LRRC36: variants seen among roughly 807,000 people sequenced by gnomAD.
The protein encoded by LRRC36 is leucine-rich repeat-containing protein 36.
In LRRC36, 62 loss-of-function variants were observed where a neutral mutation model predicts 81.1. That is an observed-to-expected ratio of 0.76 (90% CI 0.62 to 0.94). The LOEUF (loss-of-function observed/expected upper bound fraction) is 0.94, where lower values mean the gene tolerates loss of function less well. LRRC36 is among the 40% of genes least tolerant of loss of function. The pLI, the probability that LRRC36 is intolerant of heterozygous loss-of-function variation, is 0.00. For missense variants in LRRC36, 761 were observed against 881.7 expected, an observed-to-expected ratio of 0.86 and a Z score of 1.73; for synonymous variants, 334 against 348.6, an observed-to-expected ratio of 0.96 and a Z score of 0.47.
At chr16:67,333,487 G>A (rs1224526835) in intron 1 of LRRC36, among the ~76,000 whole-genome samples, 18 of 152,108 alleles carry the variant, frequency 1.2e-4, no homozygotes, top group Admixed American at 1.0e-3. Flanking sequence ...TGTTGTGCAA[G>A]CATCATTGCT....
At chr16:67,370,891 A>G in intron 8 of LRRC36, 53 bp from the exon 9 acceptor site, 1 of 1,482,514 alleles carries the variant, frequency 6.7e-7, no homozygotes, top group South Asian at 1.2e-5. Flanking sequence ...GATAGAAGTG[A>G]GACATGAGGC....
intron 12 of LRRC36, among the ~76,000 whole-genome samples, chr16:67,381,663 G>A (rs1408008822): frequency 6.6e-6 from 1 of 152,050 alleles, no homozygotes; most frequent in Admixed American, 6.5e-5. Context: ...TGCCCAGGCT[G>A]GAGTGCAGTG....
chr16:67,367,606 A>G (rs2039459937), intron 8 of LRRC36, 149 bp downstream of exon 8: 1 of 687,452 alleles, frequency 1.5e-6, no homozygotes, highest in Admixed American at 2.9e-5. Flanking sequence ...GAACCTCGAG[A>G]AATCTGTAGG....
chr16:67,360,209 T>C (rs1431175199), intron 5 of LRRC36, among the ~76,000 whole-genome samples: 1 of 152,144 alleles, frequency 6.6e-6, no homozygotes, highest in Non-Finnish European at 1.5e-5. Flanking sequence ...AATTTAGGTC[T>C]GTACATCAGA....
intron 1 of LRRC36, among the ~76,000 whole-genome samples, chr16:67,339,941 G>A (rs892453601): frequency 1.3e-5 from 2 of 151,898 alleles, no homozygotes; most frequent in African/African-American, 4.8e-5. Context: ...TCAGGAGTTT[G>A]AGACCAGCCT....
At chr16:67,342,985 C>T in intron 2 of LRRC36, among the ~76,000 whole-genome samples, 1 of 152,196 alleles carries the variant, frequency 6.6e-6, no homozygotes, top group East Asian at 1.9e-4. Flanking sequence ...ACTCTAAAAT[C>T]AGCAACTCCA....
At position 67,367,024 on chromosome 16, in the gene LRRC36, A is replaced by C; in HGVS notation, c.762A>C (p.Arg254Ser). Residue 254 changes from arginine to serine, a missense_variant, in exon 8 of 14, where the codon AGA becomes AGC. Transcript: ENST00000329956. ...PSDNHQEDEF[R>S]HYSPRQSTVR... The stretch of plus-strand genomic sequence containing the variant: ...TGCCTTGGTGGTGTTTAGAGTTCAG[A>C]CACTACTCGCCTCGTCAGTCCACAG... 1 of 1,600,168 alleles carries C rather than the reference A, an allele frequency of 6.2e-7. No homozygotes were observed. Among genetic ancestry groups the C allele is most frequent in the South Asian group, 1.1e-5 (1 of 88,750 alleles).
At chr16:67,338,671 T>C (rs752455864) in intron 1 of LRRC36, among the ~76,000 whole-genome samples, 2 of 152,014 alleles carry the variant, frequency 1.3e-5, no homozygotes, top group Non-Finnish European at 2.9e-5. Flanking sequence ...CATTGGTCAT[T>C]TGAAAAATAT....
At chr16:67,332,562 A>T (rs1004549038) in intron 1 of LRRC36, among the ~76,000 whole-genome samples, 3 of 152,212 alleles carry the variant, frequency 2.0e-5, no homozygotes, top group Admixed American at 6.5e-5. Flanking sequence ...TCAAAAAAAA[A>T]TAATAAATAA....
chr16:67,380,386 C>G (rs2040063062), intron 12 of LRRC36, among the ~76,000 whole-genome samples: 1 of 152,118 alleles, frequency 6.6e-6, no homozygotes. Flanking sequence ...TCAAATTTTG[C>G]CATTGTGATA....
intron 11 of LRRC36, 130 bp from the exon 12 acceptor site, chr16:67,378,459 C>T (rs1420223823): frequency 5.8e-6 from 4 of 692,506 alleles, no homozygotes; most frequent in Non-Finnish European, 9.5e-6. Context: ...AGGCTGGTCT[C>T]GAACTCCTGA....
chr16:67,337,833 C>T (rs2037837166), intron 1 of LRRC36, among the ~76,000 whole-genome samples: 2 of 151,980 alleles, frequency 1.3e-5, no homozygotes, highest in South Asian at 4.2e-4. Flanking sequence ...CGTGGTGGTT[C>T]CCAGCACTTT....
At chr16:67,335,502 G>A (rs550137178) in intron 1 of LRRC36, among the ~76,000 whole-genome samples, 3 of 152,236 alleles carry the variant, frequency 2.0e-5, no homozygotes, top group Non-Finnish European at 4.4e-5. Context: ...CAAACAATTT[G>A]TGCAGTTAAT....
chr16:67,382,624 G>A (rs1204069390), intron 13 of LRRC36, among the ~76,000 whole-genome samples: 2 of 152,126 alleles, frequency 1.3e-5, no homozygotes, highest in African/African-American at 4.8e-5. Context: ...CACTTGGCAG[G>A]GAGTGATAAA....
chr16:67,356,609 G>A (rs150684534), intron 5 of LRRC36, among the ~76,000 whole-genome samples: 39 of 152,250 alleles, frequency 2.6e-4, no homozygotes, highest in African/African-American at 9.4e-4. Context: ...ATAGTGTCAC[G>A]TCTTCACATA....
At chr16:67,370,058 C>T (rs1330184276) in intron 8 of LRRC36, among the ~76,000 whole-genome samples, 3 of 151,860 alleles carry the variant, frequency 2.0e-5, no homozygotes, top group Non-Finnish European at 2.9e-5. Context: ...GAAAAGGGAC[C>T]GTTACAAGAA....
At chr16:67,365,274 C>T (rs777895930) in intron 6 of LRRC36, 30 bp from the exon 7 acceptor site, 4 of 1,558,988 alleles carry the variant, frequency 2.6e-6, no homozygotes, top group Non-Finnish European at 3.5e-6. Flanking sequence ...CATGGACTTC[C>T]TTCTACCTAA....
At chr16:67,378,306 C>G (rs2039986000) in intron 11 of LRRC36, among the ~76,000 whole-genome samples, 1 of 126,982 alleles carries the variant, frequency 7.9e-6, no homozygotes, top group African/African-American at 3.2e-5. Context: ...ATGGCACTTT[C>G]TCAGCTCACT....
rs938187683 is a variant in LRRC36, at chr16:67,375,474, G to C, written c.1660+62G>C. ...GGACTTTTCCTCTGCTCTGTGTTCT[G>C]CTAAAAGCCACTTAGCTCTCTTCAC... On this transcript the variant is annotated intron_variant, in intron 10 of 13. Coordinates refer to ENST00000329956, the MANE Select transcript of LRRC36 (RefSeq NM_018296.6). The C allele has an allele frequency of 2.8e-6, 4 of 1,422,470 alleles. No homozygotes were observed. The Admixed American group carries it at 7.4e-5, about 26-fold the overall frequency. The allele number at this position is 1,422,470 out of a possible 1,614,324, so 88.1% of individuals were successfully genotyped here.
Sources: allele counts gnomAD v4.1 joint callset (sites outside exome capture counted in the v4.1 genomes callset), GRCh38; gene constraint gnomAD v4.1.1; transcripts MANE v1.5; gene names NCBI Gene and HGNC (gene_info 2026-07-23, HGNC 2026-07-21).